The following MET variants were observed in gnomAD, a reference collection of about 807,000 sequenced individuals.
The protein encoded by MET is hepatocyte growth factor receptor.
Under a neutral mutation model 133.1 loss-of-function variants are expected in MET, and 48 were observed. That is an observed-to-expected ratio of 0.36 (90% confidence interval 0.29 to 0.46). The LOEUF is 0.46. Among genes scored for constraint, MET ranks in the 20% least tolerant of loss-of-function variants. MET has a pLI of 1.00. For missense variants in MET, 1,442 were observed against 1,695.9 expected, an observed-to-expected ratio of 0.85 and a Z score of 2.63; for synonymous variants, 628 against 616.5, an observed-to-expected ratio of 1.02 and a Z score of -0.28.
intron 2 of MET, among the ~76,000 whole-genome samples, chr7:116,715,909 A>T (rs1386295688): frequency 6.6e-6 from 1 of 152,204 alleles, no homozygotes; most frequent in Middle Eastern, 3.2e-3. Flanking sequence ...CAAAGGAATC[A>T]GATTGTAGGA....
At chr7:116,763,732 C>T (rs1426807525) in intron 11 of MET, among the ~76,000 whole-genome samples, 1 of 152,184 alleles carries the variant, frequency 6.6e-6, no homozygotes, top group Non-Finnish European at 1.5e-5. Flanking sequence ...AGATATCTGC[C>T]ACCTTAGGAA....
At position 116,783,306 on chromosome 7, in the gene MET, T is replaced by A; in HGVS notation, c.3635T>A (p.Leu1212Gln). 1 of 1,614,140 alleles carries A rather than the reference T, an allele frequency of 6.2e-7. No homozygotes were observed. Among genetic ancestry groups the A allele is most frequent in the Non-Finnish European group, 8.5e-7 (1 of 1,179,998 alleles). ...HRDLAARNCM[L>Q]DEKFTVKVAD... is the part of the protein sequence containing the mutation. ...AATAATTTTTGTCCTTTCTGTAGGC[T>A]GGATGAAAAATTCACAGTCAAGGTT... The change falls in exon 19 of 21, where the codon CTG (leucine) becomes CAG (glutamine). Residue 1212 changes from leucine (L) to glutamine (Q), a missense_variant and splice_region_variant. Physicochemically the swap from Leu to Gln is moderately radical, Grantham distance 113 (BLOSUM62 -2). Around this residue, in one of 6 missense-constraint regions of MET, gnomAD observed 38 missense variants for 40.6 expected, o/e 0.94. Coordinates refer to ENST00000397752, the MANE Select transcript of MET (RefSeq NM_000245.4).
rs1157251036 is a variant in MET, at chr7:116,695,782, C to A, written c.-14-3289C>A. 4 of 492,000 alleles carry A rather than the reference C, an allele frequency of 8.1e-6. No individual in the cohort carries two copies. The Admixed American group carries it at 9.3e-5, about 11-fold the overall frequency. 30.5% of individuals were successfully genotyped at this position (492,000 alleles called of 1,614,324 possible). A position where few individuals can be genotyped will look rare whatever the true frequency, so the allele number is the denominator to read the frequency against. On this transcript the variant is annotated intron_variant, in intron 1 of 20. Transcript: ENST00000397752. ...ATGAAGAGTAAATCAAAGAGTTTAG[C>A]AGAATGCTTCCCATATGGTAAGCAC...
chr7:116,693,994 A>G (rs943854424), intron 1 of MET, among the ~76,000 whole-genome samples: 2 of 152,224 alleles, frequency 1.3e-5, no homozygotes, highest in Non-Finnish European at 2.9e-5. Context: ...TTACTTGCCT[A>G]AGGTAACATG....
In MET at chr7:116,700,067, A is replaced by G. The variant is rs1165913241; in HGVS notation, c.983A>G (p.Gln328Arg). The change falls in exon 2 of 21, where the codon CAG becomes CGG. Residue 328 changes from glutamine to arginine, a missense_variant. By Grantham distance (43) the Gln-to-Arg change is conservative. Around this residue, in one of 6 missense-constraint regions of MET, gnomAD observed 762 missense variants for 792.4 expected, o/e 0.96. Transcript: ENST00000397752. ...GCGTATGTCAGCAAGCCTGGGGCCC[A>G]GCTTGCTAGACAAATAGGAGCCAGC... is the stretch of plus-strand genomic sequence containing the variant. ...QAAYVSKPGAQLARQIGASLN... is the reference protein window; with the variant it reads ...QAAYVSKPGARLARQIGASLN... 6.2e-7 allele frequency: 1 copy of G among 1,613,354 alleles called. No individual in the cohort carries two copies. The highest frequency in any genetic ancestry group is 8.5e-7 in the Non-Finnish European group (1 of 1,179,804).
chr7:116,719,362 T>A (rs1792384251), intron 2 of MET, among the ~76,000 whole-genome samples: 1 of 149,882 alleles, frequency 6.7e-6, no homozygotes, highest in African/African-American at 2.5e-5. Flanking sequence ...TAAATTTGTT[T>A]GAGTTCATTG....
At chr7:116,732,514 A>G (rs897018734) in intron 3 of MET, among the ~76,000 whole-genome samples, 1 of 151,866 alleles carries the variant, frequency 6.6e-6, no homozygotes, top group Non-Finnish European at 1.5e-5. Context: ...AAATTAAAAG[A>G]CTCTCTTGTT....
intron 19 of MET, among the ~76,000 whole-genome samples, chr7:116,789,747 A>G (rs1002180885): frequency 3.3e-5 from 5 of 152,232 alleles, no homozygotes; most frequent in Admixed American, 2.0e-4. Context: ...GTAGTAACGT[A>G]TCAGTAATTC....
At chr7:116,777,307 T>A in intron 15 of MET, 82 bp from the exon 16 acceptor site, 1 of 1,156,594 alleles carries the variant, frequency 8.6e-7, no homozygotes, top group Non-Finnish European at 1.3e-6. Context: ...AAGAATAAAA[T>A]GAAGCTCATA....
chr7:116,764,618 C>T (rs994715212), intron 11 of MET, among the ~76,000 whole-genome samples: 7 of 152,144 alleles, frequency 4.6e-5, no homozygotes, highest in Admixed American at 3.3e-4. Context: ...GAAGAGAAAA[C>T]TTCTCTTTCC....
intron 6 of MET, among the ~76,000 whole-genome samples, chr7:116,756,007 A>G (rs1299264174): frequency 5.3e-5 from 8 of 152,204 alleles, no homozygotes; most frequent in African/African-American, 1.9e-4. Flanking sequence ...TTCAGCTTAT[A>G]TTTACTGGCA....
intron 5 of MET, 40 bp from the exon 6 acceptor site, chr7:116,755,315 T>C: frequency 6.2e-7 from 1 of 1,605,250 alleles, no homozygotes; most frequent in Non-Finnish European, 8.5e-7. Flanking sequence ...AAAATTATAA[T>C]ATATTGGGTT....
At chr7:116,706,919 G>A (rs1360035784) in intron 2 of MET, among the ~76,000 whole-genome samples, 2 of 142,818 alleles carry the variant, frequency 1.4e-5, no homozygotes, top group African/African-American at 2.6e-5. Flanking sequence ...AATAGTATAT[G>A]TGGTAACCGA....
intron 2 of MET, among the ~76,000 whole-genome samples, chr7:116,700,524 C>T (rs572808693): frequency 2.1e-4 from 32 of 152,174 alleles, no homozygotes; most frequent in East Asian, 1.2e-3. Flanking sequence ...TTTGCATGTT[C>T]GTGACATTTC....
chr7:116,752,151 T>C (rs1793948016), intron 5 of MET, among the ~76,000 whole-genome samples: 1 of 152,200 alleles, frequency 6.6e-6, no homozygotes, highest in African/African-American at 2.4e-5. Context: ...AGCAGTATTA[T>C]ATAGGGATAG....
chr7:116,731,895 T>C, intron 3 of MET, 36 bp downstream of exon 3: 1 of 1,600,190 alleles, frequency 6.2e-7, no homozygotes, highest in Non-Finnish European at 8.6e-7. Context: ...GTCTGTTCTA[T>C]CTGGTATTGT....
At chr7:116,705,228 C>T (rs1305212965) in intron 2 of MET, among the ~76,000 whole-genome samples, 3 of 152,052 alleles carry the variant, frequency 2.0e-5, no homozygotes, top group African/African-American at 7.2e-5. Flanking sequence ...ATAATTGCAG[C>T]CTTCCATCAG....
At chr7:116,690,416 C>T (rs903883640) in intron 1 of MET, among the ~76,000 whole-genome samples, 1 of 152,186 alleles carries the variant, frequency 6.6e-6, no homozygotes, top group African/African-American at 2.4e-5. Context: ...CACTACACTC[C>T]ACCTTGTCTC....
intron 5 of MET, among the ~76,000 whole-genome samples, chr7:116,743,386 C>T (rs1384577017): frequency 6.6e-6 from 1 of 152,156 alleles, no homozygotes; most frequent in African/African-American, 2.4e-5. Flanking sequence ...GAACCATTCA[C>T]TCCCCTGGAA....
Sources: allele counts gnomAD v4.1 joint callset (sites outside exome capture counted in the v4.1 genomes callset), GRCh38; gene constraint gnomAD v4.1.1; regional missense constraint gnomAD v4.1.1; transcripts MANE v1.5; gene names NCBI Gene and HGNC (gene_info 2026-07-23, HGNC 2026-07-21).